Variants in PTPRC observed in about 807,000 individuals in gnomAD.
PTPRC encodes receptor-type tyrosine-protein phosphatase C.
PTPRC carries 44 observed loss-of-function variants against 155.9 expected under a neutral mutation model. The observed-to-expected ratio is 0.28, with a 90% CI of 0.22 to 0.36. PTPRC has a LOEUF of 0.36. PTPRC is among the 10% of genes least tolerant of loss of function. The probability of loss-of-function intolerance (pLI) is 1.00; values close to 1 mark genes in which losing one functional copy is unlikely to be tolerated. For missense variants in PTPRC, 1,401 were observed against 1,564.6 expected (o/e 0.90, Z 1.76); for synonymous variants, 525 against 533.1 (o/e 0.98, Z 0.21).
rs1426522308 is a variant in PTPRC at position 198,754,394 on chromosome 1, T to G, written c.3635T>G (p.Val1212Gly). 2 of 1,613,390 alleles carry G rather than the reference T, an allele frequency of 1.2e-6. No homozygotes were observed. Among genetic ancestry groups the G allele is most frequent in the East Asian group, 2.2e-5 (1 of 44,802 alleles). The change falls in exon 32 of 33, where the codon GTT becomes GGT. Residue 1212 changes from valine to glycine, a missense_variant. Transcript: ENST00000442510. ...CTACGCAAAGCTAGGCCAGGCATGG[T>G]TTCCACATTCGTAAGTATCCTTCAC... ...KALRKARPGM[V>G]STFEQYQFLY...
chr1:198,704,758 G>T (rs1022264505), intron 8 of PTPRC, among the ~76,000 whole-genome samples: 2 of 152,190 alleles, frequency 1.3e-5, no homozygotes, highest in African/African-American at 4.8e-5. Context: ...ATTGGGAACT[G>T]TGCCTACTTG....
chr1:198,740,577 A>G (rs529965188), intron 23 of PTPRC, among the ~76,000 whole-genome samples: 1 of 127,770 alleles, frequency 7.8e-6, no homozygotes, highest in Admixed American at 7.4e-5. Flanking sequence ...GTGAGACTTT[A>G]TCTCAAAAAA....
At chr1:198,661,850 T>C (rs1470476981) in intron 2 of PTPRC, among the ~76,000 whole-genome samples, 1 of 152,220 alleles carries the variant, frequency 6.6e-6, no homozygotes, top group Non-Finnish European at 1.5e-5. Flanking sequence ...AAAATAGACT[T>C]CTTTAAGTTT....
Position 198,694,076 on chromosome 1 carries a change from G to C in PTPRC, c.100+1703G>C, listed in dbSNP as rs1168916519. On this transcript the variant is annotated intron_variant, in intron 3 of 32. Transcript: ENST00000442510. The stretch of plus-strand genomic sequence containing the variant: ...CCAAGTCACCAAACCTCAAAAGTAG[G>C]GAAGCTGACAGTTCAGCCTTCAGTT... 6 of 1,549,250 alleles carry C rather than the reference G, an allele frequency of 3.9e-6. No homozygotes were observed. In the Admixed American group the frequency reaches 1.2e-4, roughly 30 times the overall value.
intron 2 of PTPRC, among the ~76,000 whole-genome samples, chr1:198,674,818 CT>C (rs1388209770): frequency 6.6e-6 from 1 of 152,030 alleles, no homozygotes; most frequent in Non-Finnish European, 1.5e-5. Flanking sequence ...CTTCATTTGG[CT>C]TCCTCTAATA....
In PTPRC at chr1:198,710,877, C is replaced by T. The variant is rs190857905; in HGVS notation, c.1171+1053C>T. 1.9e-3 allele frequency among the ~76,000 whole-genome samples: 296 copies of T among 152,302 alleles called. 1 individual carries two copies. The highest frequency in any genetic ancestry group is 6.1e-3 in the African/African-American group (253 of 41,568). On this transcript the variant is annotated intron_variant, in intron 11 of 32. Coordinates refer to ENST00000442510, the MANE Select transcript of PTPRC (RefSeq NM_002838.5). ...ATTTTGTTTTGTTTTGATTTTGAGA[C>T]GGAGTCTCGCTCTGTTGCCCAGGCT...
chr1:198,752,596 G>A lies in PTPRC; in HGVS notation c.3333G>A (p.Arg1111=). Residue 1111 remains arginine (R), a splice_region_variant and synonymous_variant, in exon 31 of 33, where the codon AGG becomes AGA. Coordinates refer to ENST00000442510, the MANE Select transcript of PTPRC (RefSeq NM_002838.5). The part of the protein sequence containing the change: ...LRVFELRHSK[R]KDSRTVYQYQ... ...GCTCTCTTCAATTCTGATTTTAGAG[G>A]AAAGACTCTCGAACTGTGTACCAGT... 1 of 1,611,860 alleles carries A rather than the reference G, an allele frequency of 6.2e-7. No homozygotes were observed. The highest frequency in any genetic ancestry group is 1.7e-4 in the Middle Eastern group (1 of 6,048).
In PTPRC at chr1:198,744,148, A is replaced by T. The variant is rs1655035531; in HGVS notation, c.2792A>T (p.Asn931Ile). 2 of 1,605,310 alleles carry T rather than the reference A, an allele frequency of 1.2e-6. No individual in the cohort carries two copies. The change falls in exon 26 of 33, where the codon AAC (asparagine) becomes ATC (isoleucine). Residue 931 changes from asparagine to isoleucine, a missense_variant. Around this residue, in one of 3 missense-constraint regions of PTPRC, gnomAD observed 134 missense variants for 204.7 expected, o/e 0.65. Transcript: ENST00000442510. ...TCTGAATTACATCCATATCTACATA[A>T]CATGAAGAAAAGGGATCCACCCAGT... ...NLSELHPYLH[N>I]MKKRDPPSEP...
In PTPRC at chr1:198,749,497, A is replaced by G; in HGVS notation, c.3020A>G (p.Asp1007Gly). The change falls in exon 28 of 33, where the codon GAT becomes GGT. Residue 1007 changes from aspartate to glycine, a missense_variant. Asp to Gly is a moderately conservative substitution (Grantham distance 94). This residue lies in a region of PTPRC where 400 missense variants were observed against 389.5 expected (regional missense o/e 1.03). Coordinates refer to ENST00000442510, the MANE Select transcript of PTPRC (RefSeq NM_002838.5). ...SEHDSDESSD[D>G]DSDSEEPSKY... ...CATGATTCAGATGAATCCTCTGATG[A>G]TGACAGTGATTCAGAGGAACCAAGC... The G allele has an allele frequency of 1.2e-6, 2 of 1,610,146 alleles. No homozygotes were observed. Among genetic ancestry groups the G allele is most frequent in the Non-Finnish European group, 1.7e-6 (2 of 1,177,370 alleles).
intron 2 of PTPRC, among the ~76,000 whole-genome samples, chr1:198,654,647 T>G (rs76001327): frequency 0.019 from 2,936 of 151,936 alleles, 46 homozygotes; most frequent in Middle Eastern, 0.071. Context: ...CCAATGCTCC[T>G]TGCTCCATTT....
intron 28 of PTPRC, 58 bp from the exon 29 acceptor site, chr1:198,750,434 G>T: frequency 6.5e-7 from 1 of 1,541,686 alleles, no homozygotes; most frequent in South Asian, 1.1e-5. Context: ...GTTACTTTAA[G>T]AATCTACTGA....
At chr1:198,719,239 T>G (rs1320880171) in intron 14 of PTPRC, among the ~76,000 whole-genome samples, 2 of 152,100 alleles carry the variant, frequency 1.3e-5, no homozygotes, top group African/African-American at 4.8e-5. Flanking sequence ...TGAATACGCC[T>G]TTCTTTTTCT....
At chr1:198,731,154 G>A (rs1654369216) in intron 17 of PTPRC, among the ~76,000 whole-genome samples, 1 of 151,968 alleles carries the variant, frequency 6.6e-6, no homozygotes, top group African/African-American at 2.4e-5. Flanking sequence ...GTAAACAGAT[G>A]ATCAAATTAA....
At chr1:198,673,829 C>G (rs1664787183) in intron 2 of PTPRC, among the ~76,000 whole-genome samples, 1 of 152,008 alleles carries the variant, frequency 6.6e-6, no homozygotes, top group Non-Finnish European at 1.5e-5. Flanking sequence ...TTTTTCTTAA[C>G]TTTGCTTGTA....
intron 26 of PTPRC, among the ~76,000 whole-genome samples, chr1:198,747,655 G>T (rs147586884): frequency 6.6e-6 from 1 of 151,856 alleles, no homozygotes; most frequent in Non-Finnish European, 1.5e-5. Context: ...GGAACTGTGG[G>T]TGAGAGGAAA....
chr1:198,750,467 T>TC, intron 28 of PTPRC, 25 bp from the exon 29 acceptor site: 1 of 1,607,714 alleles, frequency 6.2e-7, no homozygotes, highest in Non-Finnish European at 8.5e-7. Context: ...AGTAACGAAG[T>TC]CCCACCCTTT....
At chr1:198,676,241 C>T (rs2102310684) in intron 2 of PTPRC, among the ~76,000 whole-genome samples, 1 of 152,266 alleles carries the variant, frequency 6.6e-6, no homozygotes, top group South Asian at 2.1e-4. Context: ...AAAATGGTGA[C>T]TAGTTTAGCA....
At position 198,709,762 on chromosome 1, in the gene PTPRC, A is replaced by G; in HGVS notation, c.1109A>G (p.Glu370Gly). 1.9e-6 allele frequency: 3 copies of G among 1,612,456 alleles called. No homozygotes were observed. The highest frequency in any genetic ancestry group is 2.5e-6 in the Non-Finnish European group (3 of 1,179,190). Reference protein sequence around the residue: ...EPEHEYKCDSEILYNNHKFTN... With the variant: ...EPEHEYKCDSGILYNNHKFTN... ...GAACATGAGTATAAGTGTGACTCAG[A>G]AATACTCTATAATAACCACAAGTTT... The change falls in exon 11 of 33, where the codon GAA becomes GGA. Residue 370 changes from glutamate (E) to glycine (G), a missense_variant. By Grantham distance (98) the Glu-to-Gly change is moderately conservative (BLOSUM62 -2). Coordinates refer to ENST00000442510, the MANE Select transcript of PTPRC (RefSeq NM_002838.5).
intron 2 of PTPRC, among the ~76,000 whole-genome samples, chr1:198,648,408 G>A (rs549172187): frequency 5.9e-5 from 9 of 151,656 alleles, no homozygotes; most frequent in Middle Eastern, 3.4e-3. Context: ...GGTCTTAATC[G>A]GGGTCTATCT....
Sources: allele counts gnomAD v4.1 joint callset (sites outside exome capture counted in the v4.1 genomes callset), GRCh38; gene constraint gnomAD v4.1.1; regional missense constraint gnomAD v4.1.1; transcripts MANE v1.5; gene names NCBI Gene and HGNC (gene_info 2026-07-23, HGNC 2026-07-21).